The following BFAR variants were observed in gnomAD, a reference collection of about 807,000 sequenced individuals.
BFAR encodes the protein RING finger protein 47.
A neutral mutation model predicts 54.4 loss-of-function variants in BFAR; 52 were observed. The ratio of observed to expected loss-of-function variants is 0.96; its 90% CI spans 0.77 to 1.21. BFAR has a LOEUF of 1.21. Ranked by LOEUF, BFAR falls within the 50% of genes most tolerant of loss-of-function variation. The probability of loss-of-function intolerance (pLI) is 0.00; values close to 1 mark genes in which losing one functional copy is unlikely to be tolerated. For missense variants in BFAR, 571 were observed against 534.0 expected, an observed-to-expected ratio of 1.07 and a Z score of -0.68; for synonymous variants, 215 against 204.3, an observed-to-expected ratio of 1.05 and a Z score of -0.45.
intron 1 of BFAR, chr16:14,633,547 A>C (rs1424177691): frequency 1.3e-5 from 2 of 152,290 alleles, no homozygotes; most frequent in East Asian, 1.9e-4. Flanking sequence ...ACCGAAGCGC[A>C]GAAGGGAGAA....
At chr16:14,640,190 C>A (rs1444517647) in intron 1 of BFAR, among the ~76,000 whole-genome samples, 1 of 151,492 alleles carries the variant, frequency 6.6e-6, no homozygotes, top group Non-Finnish European at 1.5e-5. Flanking sequence ...GAGAGGAAAG[C>A]TCGAAGCTGA....
In BFAR at chr16:14,643,997, T is replaced by TA. The variant is rs200881732; in HGVS notation, c.-73-270dup. On this transcript the variant is annotated intron_variant, in intron 1 of 7. Coordinates refer to ENST00000261658, the MANE Select transcript of BFAR (RefSeq NM_016561.3). ...TAACACGGTGAAACCCCGTCTCTGC[T>TA]AAAAAAATATGAAAAATTAGCTGGG... 159 of 229,748 alleles carry TA rather than the reference T, an allele frequency of 6.9e-4. No individual in the cohort carries two copies. In the East Asian group the frequency reaches 0.011, roughly 16 times the overall value. The allele number at this position is 229,748 out of a possible 1,614,324, so 14.2% of individuals were successfully genotyped here.
intron 1 of BFAR, among the ~76,000 whole-genome samples, chr16:14,634,325 G>C (rs1009333559): frequency 6.6e-6 from 1 of 152,204 alleles, no homozygotes; most frequent in Non-Finnish European, 1.5e-5. Context: ...TGACAGGTGT[G>C]CTCTGCATTT....
intron 5 of BFAR, among the ~76,000 whole-genome samples, chr16:14,655,413 C>G (rs1301961172): frequency 1.3e-5 from 2 of 151,412 alleles, no homozygotes; most frequent in African/African-American, 2.4e-5. Flanking sequence ...CCTCTGCCTC[C>G]CAGGTTCAAG....
At chr16:14,637,312 T>G (rs1387066164) in intron 1 of BFAR, among the ~76,000 whole-genome samples, 1 of 152,170 alleles carries the variant, frequency 6.6e-6, no homozygotes, top group East Asian at 1.9e-4. Context: ...ATTGATTACT[T>G]TATCAGGATA....
chr16:14,649,607 G>A (rs1164308511), intron 3 of BFAR, among the ~76,000 whole-genome samples, 197 bp from the exon 4 acceptor site: 1 of 152,134 alleles, frequency 6.6e-6, no homozygotes, highest in Non-Finnish European at 1.5e-5. Context: ...AGCAGAGAGA[G>A]GCACCCGAGG....
At chr16:14,645,907 C>T (rs576985388) in intron 2 of BFAR, among the ~76,000 whole-genome samples, 2 of 152,232 alleles carry the variant, frequency 1.3e-5, no homozygotes, top group East Asian at 1.9e-4. Context: ...CTCACTCTGT[C>T]GCTCAGGCTG....
intron 5 of BFAR, among the ~76,000 whole-genome samples, chr16:14,657,061 C>T (rs1056696127): frequency 6.6e-6 from 1 of 151,736 alleles, no homozygotes; most frequent in African/African-American, 2.4e-5. Context: ...TGAGATGGTG[C>T]CACTGCACTC....
intron 4 of BFAR, among the ~76,000 whole-genome samples, chr16:14,653,628 G>C (rs541779613): frequency 1.3e-5 from 2 of 152,156 alleles, no homozygotes; most frequent in South Asian, 4.1e-4. Context: ...CCCCCAGCCA[G>C]AATTTGTGTT....
intron 1 of BFAR, among the ~76,000 whole-genome samples, chr16:14,641,664 C>A (rs1420011845): frequency 2.6e-5 from 4 of 151,914 alleles, no homozygotes; most frequent in Non-Finnish European, 4.4e-5. Context: ...GAGTTCAAGA[C>A]CAACCTGACC....
At chr16:14,660,580 C>T (rs1412771413) in intron 5 of BFAR, among the ~76,000 whole-genome samples, 15 of 131,488 alleles carry the variant, frequency 1.1e-4, no homozygotes, top group African/African-American at 3.4e-4. Flanking sequence ...CCACCGCACT[C>T]GGCCTTTTTT....
At chr16:14,653,483 A>G (rs1054074381) in intron 4 of BFAR, among the ~76,000 whole-genome samples, 1 of 151,998 alleles carries the variant, frequency 6.6e-6, no homozygotes, top group Non-Finnish European at 1.5e-5. Context: ...ACACGCCACC[A>G]TGCCCGCCTA....
intron 4 of BFAR, among the ~76,000 whole-genome samples, chr16:14,654,622 C>T (rs1441422050): frequency 6.6e-6 from 1 of 151,578 alleles, no homozygotes; most frequent in African/African-American, 2.4e-5. Flanking sequence ...ATTCTCATGC[C>T]TCAGCCTCCC....
intron 5 of BFAR, among the ~76,000 whole-genome samples, chr16:14,656,493 A>G (rs1172106700): frequency 7.0e-6 from 1 of 142,650 alleles, no homozygotes; most frequent in Non-Finnish European, 1.6e-5. Context: ...CCTGTTTCAG[A>G]AAAAAAAAAA....
intron 7 of BFAR, 72 bp downstream of exon 7, chr16:14,665,143 T>C (rs1960408665): frequency 2.2e-6 from 3 of 1,388,330 alleles, no homozygotes; most frequent in South Asian, 2.5e-5. Flanking sequence ...GATCCTCTTT[T>C]ATTTCTCACA....
At chr16:14,662,158 T>G (rs1021586419) in intron 6 of BFAR, 93 bp downstream of exon 6, 1 of 1,443,558 alleles carries the variant, frequency 6.9e-7, no homozygotes, top group Non-Finnish European at 9.6e-7. Context: ...TTCTTCAGTT[T>G]GACCCATGAA....
chr16:14,655,470 A>T (rs1960104822), intron 5 of BFAR, among the ~76,000 whole-genome samples: 1 of 149,378 alleles, frequency 6.7e-6, no homozygotes, highest in Non-Finnish European at 1.5e-5. Context: ...TACCCTACCC[A>T]GCTAATTTTT....
intron 7 of BFAR, among the ~76,000 whole-genome samples, chr16:14,665,339 G>C (rs940984220): frequency 6.6e-6 from 1 of 150,444 alleles, no homozygotes; most frequent in Non-Finnish European, 1.5e-5. Flanking sequence ...GGGGAGGGGG[G>C]CAAAGGATTG....
chr16:14,650,221 T>C (rs1959930804), intron 4 of BFAR: 1 of 324,542 alleles, frequency 3.1e-6, no homozygotes, highest in African/African-American at 2.1e-5. Flanking sequence ...TCCCATCTAT[T>C]CGGGAGGCTG....
Sources: gnomAD v4.1 joint callset for allele counts (sites outside exome capture counted in the v4.1 genomes callset) on GRCh38, gnomAD v4.1.1 for gene constraint, MANE v1.5 for transcripts, NCBI Gene and HGNC (gene_info 2026-07-23, HGNC 2026-07-21) for gene names.